INPP5D: variants seen among roughly 807,000 people sequenced by gnomAD.
INPP5D encodes the protein phosphatidylinositol 3,4,5-trisphosphate 5-phosphatase 1.
Under a neutral mutation model 122.9 loss-of-function variants are expected in INPP5D, and 33 were observed. That is an observed-to-expected ratio of 0.27 (90% confidence interval 0.20 to 0.36). INPP5D has a LOEUF of 0.36. Among genes scored for constraint, INPP5D ranks in the 10% least tolerant of loss-of-function variants. The pLI, the probability that INPP5D is intolerant of heterozygous loss-of-function variation, is 1.00. For missense variants in INPP5D, 1,053 were observed against 1,412.7 expected (o/e 0.75, Z 4.08); for synonymous variants, 584 against 576.2 (o/e 1.01, Z -0.19).
chr2:233,086,020 T>C (rs1574713137), intron 2 of INPP5D, among the ~76,000 whole-genome samples: 1 of 152,170 alleles, frequency 6.6e-6, no homozygotes, highest in Non-Finnish European at 1.5e-5. Context: ...GACTGGGGAA[T>C]GGGATGCAAG....
Position 233,128,302 on chromosome 2 carries a change from C to A in INPP5D, c.525-2206C>A, listed in dbSNP as rs1483237820. Among the ~76,000 whole-genome samples the A allele has an allele frequency of 6.6e-6, 1 of 152,138 alleles. No individual in the cohort carries two copies. Among genetic ancestry groups the A allele is most frequent in the East Asian group, 1.9e-4 (1 of 5,206 alleles). ...TCTTCCACAAAACCGGTCCCTTGTG[C>A]CAAAAAGGTTGGGGACCACTGTTTT... On this transcript the variant is annotated intron_variant, in intron 4 of 26. Transcript: ENST00000445964. This position sits in a 1 kb window ranked among gnomAD's most constrained non-coding sequence, Gnocchi z 4.5.
chr2:233,097,418 A>G (rs1692176025), intron 2 of INPP5D, among the ~76,000 whole-genome samples: 1 of 152,274 alleles, frequency 6.6e-6, no homozygotes, highest in Non-Finnish European at 1.5e-5. Flanking sequence ...AGGTTAATTT[A>G]TAAATAACTT....
chr2:233,192,485 A>T (rs987694314), intron 22 of INPP5D, among the ~76,000 whole-genome samples: 1 of 152,194 alleles, frequency 6.6e-6, no homozygotes, highest in South Asian at 2.1e-4. Flanking sequence ...TCACAGAAAC[A>T]TCATTTTATA....
chr2:233,165,847 TGTTTG>T (rs761713992), intron 13 of INPP5D, among the ~76,000 whole-genome samples: 2 of 95,376 alleles, frequency 2.1e-5, no homozygotes. Context: ...CCTCTCTGTG[TGTTTG>T]TGTGTGTGTG....
intron 2 of INPP5D, among the ~76,000 whole-genome samples, chr2:233,111,615 T>C (rs1692632399): frequency 6.6e-6 from 1 of 152,160 alleles, no homozygotes; most frequent in Admixed American, 6.5e-5. Context: ...TCTGCAGGAG[T>C]GCATAGCAGC....
intron 1 of INPP5D, among the ~76,000 whole-genome samples, chr2:233,075,235 G>A (rs942759193): frequency 6.6e-6 from 1 of 152,194 alleles, no homozygotes; most frequent in African/African-American, 2.4e-5. Context: ...GTTGGGCCCA[G>A]TGCTATCCTA....
chr2:233,197,888 G>A lies in INPP5D; in HGVS notation c.2694-207G>A, dbSNP rs1002690936. On this transcript the variant is annotated intron_variant, in intron 24 of 26. Coordinates refer to ENST00000445964, the MANE Select transcript of INPP5D (RefSeq NM_001017915.3). The surrounding 1 kb of genome is among the most constrained non-coding windows in gnomAD (Gnocchi z 4.4). ...CTCACAGCCATATTCCCTCCTCCCG[G>A]CCTGGGGCCAGGTGCTTACGAGGCC... 2.6e-5 allele frequency among the ~76,000 whole-genome samples: 4 copies of A among 152,164 alleles called. No homozygotes were observed. Among genetic ancestry groups the A allele is most frequent in the African/African-American group, 4.8e-5 (2 of 41,434 alleles).
At chr2:233,198,788 TAAA>T (rs1458354092) in intron 25 of INPP5D, among the ~76,000 whole-genome samples, 2 of 151,372 alleles carry the variant, frequency 1.3e-5, no homozygotes, top group Non-Finnish European at 2.9e-5. Flanking sequence ...CCATCTCTAC[TAAA>T]AATACAAAAT....
At chr2:233,138,875 A>G (rs1057168443) in intron 5 of INPP5D, among the ~76,000 whole-genome samples, 16 of 151,308 alleles carry the variant, frequency 1.1e-4, no homozygotes, top group Non-Finnish European at 1.9e-4. Flanking sequence ...TCTTCCGAGT[A>G]GCTGGAACTA....
rs1420713295 is a variant in INPP5D at position 233,135,341 on chromosome 2, A to T, written c.666-4501A>T. Among the ~76,000 whole-genome samples, 4 of 152,174 alleles carry T rather than the reference A, an allele frequency of 2.6e-5. No homozygotes were observed. The East Asian group carries it at 7.7e-4, about 29-fold the overall frequency. On this transcript the variant is annotated intron_variant, in intron 5 of 26. Coordinates refer to ENST00000445964, the MANE Select transcript of INPP5D (RefSeq NM_001017915.3). ...CTCCGGAGTATCTGTGATTACAGGCATGCACCACCATGCCCAGCTAATTAA... is the reference window on the plus strand; with the variant it reads ...CTCCGGAGTATCTGTGATTACAGGCTTGCACCACCATGCCCAGCTAATTAA...
chr2:233,189,879 C>T lies in INPP5D; in HGVS notation c.2388C>T (p.Tyr796=), dbSNP rs778913285. 1.2e-6 allele frequency: 2 copies of T among 1,613,410 alleles called. No homozygotes were observed. The highest frequency in any genetic ancestry group is 4.5e-5 in the East Asian group (2 of 44,878). The part of the protein sequence containing the change: ...KLKPIISDPE[Y]LLDQHILISI... Reference sequence around the variant, plus strand: ...AGCCCATTATCTCTGACCCTGAGTACCTGCTAGACCAGCACATCCTCATCA... The same window carrying T: ...AGCCCATTATCTCTGACCCTGAGTATCTGCTAGACCAGCACATCCTCATCA... Residue 796 remains tyrosine (Y), a synonymous_variant, in exon 22 of 27, where the codon TAC becomes TAT. Transcript: ENST00000445964. This position sits in a 1 kb window ranked among gnomAD's most constrained non-coding sequence, Gnocchi z 5.6.
chr2:233,113,906 C>CT (rs778997649), intron 2 of INPP5D, among the ~76,000 whole-genome samples: 14,105 of 127,604 alleles, frequency 0.11, 2,837 homozygotes, highest in African/African-American at 0.39. Flanking sequence ...CCAAACCACT[C>CT]TTTTTTTTTT....
intron 17 of INPP5D, among the ~76,000 whole-genome samples, chr2:233,174,069 C>CAGA (rs1388711146): frequency 6.6e-6 from 1 of 152,238 alleles, no homozygotes; most frequent in East Asian, 1.9e-4. Context: ...GCTGTCGTCT[C>CAGA]CTATGATGAC....
intron 13 of INPP5D, among the ~76,000 whole-genome samples, chr2:233,168,594 A>T (rs7581787): frequency 6.6e-6 from 1 of 152,154 alleles, no homozygotes. Flanking sequence ...TTCTTTACGA[A>T]CACTGAAATT....
intron 10 of INPP5D, among the ~76,000 whole-genome samples, chr2:233,161,018 A>AC (rs1694185041): frequency 6.6e-6 from 1 of 152,106 alleles, no homozygotes; most frequent in African/African-American, 2.4e-5. Context: ...TATTGTGGCC[A>AC]CCTGTCCTTG....
At chr2:233,110,490 G>A (rs888149395) in intron 2 of INPP5D, among the ~76,000 whole-genome samples, 5 of 152,158 alleles carry the variant, frequency 3.3e-5, no homozygotes, top group East Asian at 1.9e-4. Context: ...ATGAGCCACC[G>A]CGCCCAGCAA....
At chr2:233,096,344 T>A (rs1692139886) in intron 2 of INPP5D, among the ~76,000 whole-genome samples, 1 of 152,174 alleles carries the variant, frequency 6.6e-6, no homozygotes, top group Admixed American at 6.5e-5. Context: ...TATTTTGCAT[T>A]TCTCTCATTA....
intron 2 of INPP5D, among the ~76,000 whole-genome samples, chr2:233,079,662 A>C (rs1691618399): frequency 6.6e-6 from 1 of 152,182 alleles, no homozygotes; most frequent in African/African-American, 2.4e-5. Context: ...AAGGTGAAGC[A>C]GACTGTCCAG....
chr2:233,089,788 C>T (rs1036420191), intron 2 of INPP5D, among the ~76,000 whole-genome samples: 17 of 152,312 alleles, frequency 1.1e-4, no homozygotes, highest in Admixed American at 5.2e-4. Flanking sequence ...ATAGGATGTT[C>T]GGTCTAGAGA....
Sources: gnomAD v4.1 joint callset for allele counts (sites outside exome capture counted in the v4.1 genomes callset) on GRCh38, gnomAD v4.1.1 for gene constraint, Gnocchi (gnomAD v3.1) non-coding constraint, MANE v1.5 for transcripts, NCBI Gene and HGNC (gene_info 2026-07-23, HGNC 2026-07-21) for gene names.